Variants in SLC9A4 observed in about 807,000 individuals in gnomAD.
The protein encoded by SLC9A4 is sodium/hydrogen exchanger 4.
In SLC9A4, 63 loss-of-function variants were observed where a neutral mutation model predicts 67.4. The observed-to-expected ratio is 0.93, with a 90% CI of 0.76 to 1.15. The LOEUF (loss-of-function observed/expected upper bound fraction) is 1.15. SLC9A4 is among the 50% of genes most tolerant of loss of function. SLC9A4 has a pLI of 0.00. For synonymous variants in SLC9A4, 393 were observed against 367.2 expected (o/e 1.07, Z -0.80); for missense variants, 1,089 against 987.7 (o/e 1.10, Z -1.38).
rs185508372 is a variant in SLC9A4, at chr2:102,480,186, A to G, written c.720+884A>G. ...TCTGCTTGCCCTCACCTCCTCCTCT[A>G]TGAAAGAGGCAACCACTTTTATCAG... On this transcript the variant is annotated intron_variant, in intron 2 of 11. Coordinates refer to ENST00000295269, the MANE Select transcript of SLC9A4 (RefSeq NM_001011552.4). Among the ~76,000 whole-genome samples the G allele has an allele frequency of 7.9e-5, 12 of 152,280 alleles. No individual in the cohort carries two copies. In the East Asian group the frequency reaches 1.9e-3, roughly 24 times the overall value.
intron 7 of SLC9A4, among the ~76,000 whole-genome samples, chr2:102,513,856 C>G (rs1171486660): frequency 1.3e-5 from 2 of 152,148 alleles, no homozygotes; most frequent in African/African-American, 4.8e-5. Context: ...TTTTGTTTAG[C>G]TGATTTTCAA....
At chr2:102,491,459 C>T (rs543844855) in intron 2 of SLC9A4, among the ~76,000 whole-genome samples, 17 of 149,938 alleles carry the variant, frequency 1.1e-4, no homozygotes, top group African/African-American at 2.0e-4. Context: ...TGGTGGAAGG[C>T]GAAGGAGGAG....
chr2:102,479,187 T>C lies in SLC9A4; in HGVS notation c.605T>C (p.Leu202Pro). The C allele has an allele frequency of 6.2e-7, 1 of 1,614,166 alleles. No individual in the cohort carries two copies. The highest frequency in any genetic ancestry group is 8.5e-7 in the Non-Finnish European group (1 of 1,180,004). Residue 202 changes from leucine to proline, a missense_variant, in exon 2 of 12, where the codon CTG (leucine) becomes CCG (proline). Physicochemically the swap from Leu to Pro is moderately conservative, Grantham distance 98. Coordinates refer to ENST00000295269, the MANE Select transcript of SLC9A4 (RefSeq NM_001011552.4). ...NLLQNLLFGS[L>P]ISAVDPVAVL... Reference sequence around the variant, plus strand: ...CTGCAGAACCTGCTGTTCGGCAGCCTGATCTCCGCCGTGGACCCAGTGGCC... The same window carrying C: ...CTGCAGAACCTGCTGTTCGGCAGCCCGATCTCCGCCGTGGACCCAGTGGCC...
chr2:102,486,289 T>C (rs1442130712), intron 2 of SLC9A4, among the ~76,000 whole-genome samples: 1 of 152,174 alleles, frequency 6.6e-6, no homozygotes, highest in African/African-American at 2.4e-5. Context: ...TTAAAATGGA[T>C]TGATACACGT....
chr2:102,487,743 A>G (rs967102415), intron 2 of SLC9A4, among the ~76,000 whole-genome samples: 2 of 152,270 alleles, frequency 1.3e-5, no homozygotes, highest in African/African-American at 4.8e-5. Flanking sequence ...GCCTCTCGTT[A>G]TCAAGTTGTC....
At chr2:102,483,841 T>TATATACACACACACAC (rs370126753) in intron 2 of SLC9A4, among the ~76,000 whole-genome samples, 1 of 126,798 alleles carries the variant, frequency 7.9e-6, no homozygotes, top group African/African-American at 3.1e-5. Context: ...TATATATATA[T>TATATACACACACACAC]ACACACACAC....
At chr2:102,490,819 C>G (rs1684681927) in intron 2 of SLC9A4, among the ~76,000 whole-genome samples, 1 of 152,126 alleles carries the variant, frequency 6.6e-6, no homozygotes, top group Admixed American at 6.6e-5. Context: ...ACCTAAATAG[C>G]CAAAAACAAC....
intron 2 of SLC9A4, 49 bp downstream of exon 2, chr2:102,479,351 G>A (rs1339222716): frequency 8.5e-6 from 13 of 1,534,302 alleles, no homozygotes; most frequent in Admixed American, 1.9e-5. Context: ...GAGGGTTCGG[G>A]GTGGGGCTGG....
intron 11 of SLC9A4, among the ~76,000 whole-genome samples, chr2:102,532,041 C>T (rs1400248993): frequency 6.6e-6 from 1 of 152,236 alleles, no homozygotes; most frequent in Admixed American, 6.5e-5. Flanking sequence ...GCCAACTGAT[C>T]TGATTCTGTA....
intron 2 of SLC9A4, among the ~76,000 whole-genome samples, chr2:102,493,169 A>G (rs1335391925): frequency 6.6e-6 from 1 of 152,166 alleles, no homozygotes; most frequent in African/African-American, 2.4e-5. Context: ...GTCTCTTGGA[A>G]GTTCCAATCT....
At position 102,508,282 on chromosome 2, in the gene SLC9A4, G is replaced by C; in HGVS notation, c.1401+1G>C. On this transcript the variant is annotated splice_donor_variant, in intron 5 of 11. Transcript: ENST00000295269. LOFTEE classifies it high-confidence loss of function. ...TATATACTTTACTGTATTTATTCAGGTAAGTAGATTTCCCTTATATTTAAA... is the reference window on the plus strand; with the variant it reads ...TATATACTTTACTGTATTTATTCAGCTAAGTAGATTTCCCTTATATTTAAA... The C allele has an allele frequency of 6.2e-7, 1 of 1,601,428 alleles. No individual in the cohort carries two copies. The highest frequency in any genetic ancestry group is 8.5e-7 in the Non-Finnish European group (1 of 1,171,098).
intron 2 of SLC9A4, among the ~76,000 whole-genome samples, chr2:102,480,202 CT>C (rs1298485698): frequency 6.6e-6 from 1 of 152,110 alleles, no homozygotes; most frequent in African/African-American, 2.4e-5. Context: ...GAGGCAACCA[CT>C]TTTATCAGCT....
At chr2:102,475,409 G>C (rs192736525) in intron 1 of SLC9A4, among the ~76,000 whole-genome samples, 1 of 152,098 alleles carries the variant, frequency 6.6e-6, no homozygotes, top group Non-Finnish European at 1.5e-5. Flanking sequence ...CAGGAAACTC[G>C]TCCTGTCACT....
intron 8 of SLC9A4, among the ~76,000 whole-genome samples, chr2:102,517,531 G>A (rs1180681634): frequency 6.6e-6 from 1 of 152,166 alleles, no homozygotes; most frequent in African/African-American, 2.4e-5. Context: ...AGCTCTGGTG[G>A]TTGATAGGAC....
chr2:102,489,894 G>A (rs373882467), intron 2 of SLC9A4, among the ~76,000 whole-genome samples: 7 of 152,148 alleles, frequency 4.6e-5, no homozygotes, highest in African/African-American at 1.7e-4. Context: ...AGAGAAGGTG[G>A]TTGCCAATAA....
chr2:102,521,072 C>A (rs568688261), intron 9 of SLC9A4, among the ~76,000 whole-genome samples: 15 of 152,188 alleles, frequency 9.9e-5, no homozygotes, highest in Non-Finnish European at 1.9e-4. Flanking sequence ...ACTATCACAT[C>A]CTGCCTTAGA....
chr2:102,481,729 A>G (rs1684467812), intron 2 of SLC9A4, among the ~76,000 whole-genome samples: 1 of 152,078 alleles, frequency 6.6e-6, no homozygotes, highest in African/African-American at 2.4e-5. Context: ...ATTTTACCCT[A>G]TAAAAGTTCT....
rs185415422 is a variant in SLC9A4, at chr2:102,513,767, A to G, written c.1560-323A>G. 4.3e-3 allele frequency among the ~76,000 whole-genome samples: 649 copies of G among 152,288 alleles called. 1 individual carries two copies. Among genetic ancestry groups the G allele is most frequent in the Non-Finnish European group, 7.2e-3 (487 of 68,018 alleles). On this transcript the variant is annotated intron_variant, in intron 7 of 11. Coordinates refer to ENST00000295269, the MANE Select transcript of SLC9A4 (RefSeq NM_001011552.4). ...CAGCCCCCTCATTTCTTCTCTTACAATTGGAGCTGAGCTGGGCTGGGCCTC... is the reference window on the plus strand; with the variant it reads ...CAGCCCCCTCATTTCTTCTCTTACAGTTGGAGCTGAGCTGGGCTGGGCCTC...
chr2:102,519,836 C>G, intron 8 of SLC9A4, 23 bp from the exon 9 acceptor site: 1 of 1,610,094 alleles, frequency 6.2e-7, no homozygotes, highest in Non-Finnish European at 8.5e-7. Flanking sequence ...TAATGTTTGT[C>G]TCTTCTCCAA....
Sources: gnomAD v4.1 joint callset for allele counts (sites outside exome capture counted in the v4.1 genomes callset) on GRCh38, gnomAD v4.1.1 for gene constraint, MANE v1.5 for transcripts, NCBI Gene and HGNC (gene_info 2026-07-23, HGNC 2026-07-21) for gene names.